Variants in TOMM70 observed in about 807,000 individuals in gnomAD.
The protein encoded by TOMM70 is mitochondrial import receptor subunit TOM70.
In TOMM70, 13 loss-of-function variants were observed where a neutral mutation model predicts 73.6. The observed-to-expected ratio is 0.18, with a 90% CI of 0.11 to 0.28. The LOEUF (loss-of-function observed/expected upper bound fraction) is 0.28. TOMM70 is among the 10% of genes least tolerant of loss of function. The pLI is 1.00. For synonymous variants in TOMM70, 257 were observed against 271.2 expected, an observed-to-expected ratio of 0.95 and a Z score of 0.51; for missense variants, 609 against 747.5, an observed-to-expected ratio of 0.81 and a Z score of 2.16.
intron 1 of TOMM70, among the ~76,000 whole-genome samples, chr3:100,391,613 A>G (rs773992565): frequency 5.3e-5 from 8 of 152,182 alleles, no homozygotes; most frequent in Non-Finnish European, 1.0e-4. Flanking sequence ...AGTGTTACTT[A>G]TTTTTTAAGA....
intron 1 of TOMM70, among the ~76,000 whole-genome samples, chr3:100,398,251 G>T (rs1706847153): frequency 6.6e-6 from 1 of 151,900 alleles, no homozygotes; most frequent in Non-Finnish European, 1.5e-5. Flanking sequence ...AGGCATGGTG[G>T]CGCATGCCTG....
At chr3:100,372,574 G>T (rs374566120) in intron 9 of TOMM70, 32 bp downstream of exon 9, 3 of 1,541,512 alleles carry the variant, frequency 1.9e-6, no homozygotes, top group Non-Finnish European at 2.7e-6. Flanking sequence ...TATGTATGCA[G>T]TTATTTTTAA....
At chr3:100,386,692 A>G in intron 2 of TOMM70, 113 bp downstream of exon 2, 1 of 1,296,142 alleles carries the variant, frequency 7.7e-7, no homozygotes, top group Admixed American at 2.6e-5. Flanking sequence ...AACATCCCAT[A>G]ATTTTGAAAC....
chr3:100,394,360 T>G (rs1248901847), intron 1 of TOMM70, among the ~76,000 whole-genome samples: 1 of 121,712 alleles, frequency 8.2e-6, no homozygotes, highest in Admixed American at 8.4e-5. Flanking sequence ...CAACTGTTAC[T>G]TTTTCTTTTT....
intron 1 of TOMM70, 43 bp downstream of exon 1, chr3:100,400,583 C>G: frequency 6.3e-7 from 1 of 1,586,548 alleles, no homozygotes; most frequent in Non-Finnish European, 8.6e-7. Flanking sequence ...GGAAAAGCTG[C>G]ACGAGCCAGT....
intron 5 of TOMM70, among the ~76,000 whole-genome samples, chr3:100,381,282 C>T (rs1450147252): frequency 1.3e-5 from 2 of 152,072 alleles, no homozygotes; most frequent in Non-Finnish European, 2.9e-5. Context: ...TTGAGCTACA[C>T]AATAATTTTC....
At chr3:100,394,504 T>A (rs1312606206) in intron 1 of TOMM70, among the ~76,000 whole-genome samples, 1 of 145,954 alleles carries the variant, frequency 6.9e-6, no homozygotes, top group Non-Finnish European at 1.6e-5. Flanking sequence ...GTTACTTACT[T>A]ACTTTCTTTC....
intron 3 of TOMM70, 34 bp downstream of exon 3, chr3:100,386,184 T>G (rs1706690001): frequency 6.3e-7 from 1 of 1,591,200 alleles, no homozygotes; most frequent in Admixed American, 1.8e-5. Flanking sequence ...AAATATTAAG[T>G]AATTTTCATA....
rs1450740908 is a variant in TOMM70 at position 100,369,081 on chromosome 3, T to C, written c.1507A>G (p.Ile503Val). 2 of 1,613,536 alleles carry C rather than the reference T, an allele frequency of 1.2e-6. No individual in the cohort carries two copies. Among genetic ancestry groups the C allele is most frequent in the Non-Finnish European group, 1.7e-6 (2 of 1,179,682 alleles). Residue 503 changes from isoleucine to valine, a missense_variant, in exon 10 of 12, where the codon ATT (isoleucine) becomes GTT (valine). Around this residue, in one of 2 missense-constraint regions of TOMM70, gnomAD observed 432 missense variants for 584.1 expected, o/e 0.74. Coordinates refer to ENST00000284320, the MANE Select transcript of TOMM70 (RefSeq NM_014820.5). The stretch of plus-strand genomic sequence containing the variant: ...GTAGCATTATCTGGTTCCAAATCAA[T>C]ACATTTATCATACATTTCATCAGCT... The part of the protein sequence containing the change: ...GKADEMYDKC[I>V]DLEPDNATTY...
At chr3:100,382,941 AGTT>A (rs1235957479) in intron 4 of TOMM70, among the ~76,000 whole-genome samples, 3 of 152,158 alleles carry the variant, frequency 2.0e-5, no homozygotes, top group African/African-American at 4.8e-5. Flanking sequence ...TATCTTATAC[AGTT>A]GTTATAAAAA....
intron 1 of TOMM70, among the ~76,000 whole-genome samples, chr3:100,395,394 C>T (rs1706811653): frequency 6.6e-6 from 1 of 150,922 alleles, no homozygotes; most frequent in South Asian, 2.1e-4. Context: ...AAACCCAAAA[C>T]AAACAAACAA....
In TOMM70 at chr3:100,377,983, A is replaced by G. The variant is rs1230402485; in HGVS notation, c.885-71T>C. On this transcript the variant is annotated intron_variant, in intron 5 of 11. Transcript: ENST00000284320. ...TAAATGTGGCTGGGTGTGGTGGCTCACGCCTGTAATCCCAGCACTTTGGGA... is the reference window on the plus strand; with the variant it reads ...TAAATGTGGCTGGGTGTGGTGGCTCGCGCCTGTAATCCCAGCACTTTGGGA... The G allele has an allele frequency of 3.6e-6, 5 of 1,383,904 alleles. No homozygotes were observed. In the African/African-American group the frequency reaches 5.7e-5, roughly 16 times the overall value. 85.7% of individuals were successfully genotyped at this position (1,383,904 alleles called of 1,614,324 possible).
At chr3:100,367,232 A>G (rs188662950) in intron 11 of TOMM70, among the ~76,000 whole-genome samples, 1 of 152,124 alleles carries the variant, frequency 6.6e-6, no homozygotes, top group African/African-American at 2.4e-5. Flanking sequence ...AGAAAAAAAA[A>G]CTTAATATTT....
intron 4 of TOMM70, 34 bp from the exon 5 acceptor site, chr3:100,381,797 G>C: frequency 1.3e-6 from 2 of 1,547,376 alleles, no homozygotes; most frequent in Non-Finnish European, 1.8e-6. Flanking sequence ...ACATCAGGAT[G>C]GGAAATACCA....
At chr3:100,393,159 A>G (rs1223545056) in intron 1 of TOMM70, among the ~76,000 whole-genome samples, 1 of 151,582 alleles carries the variant, frequency 6.6e-6, no homozygotes, top group African/African-American at 2.4e-5. Context: ...CTGGGCAACA[A>G]GAGTGAAACT....
intron 9 of TOMM70, among the ~76,000 whole-genome samples, chr3:100,370,243 TC>T (rs34563918): frequency 1.0e-3 from 152 of 152,338 alleles, no homozygotes; most frequent in African/African-American, 3.4e-3. Context: ...TCTATTTACT[TC>T]CCTATTTGTT....
At position 100,369,079 on chromosome 3, in the gene TOMM70, A is replaced by G. The variant is rs748318542; in HGVS notation, c.1509T>C (p.Ile503=). The change falls in exon 10 of 12, where the codon ATT becomes ATC. Residue 503 remains isoleucine, a synonymous_variant. Coordinates refer to ENST00000284320, the MANE Select transcript of TOMM70 (RefSeq NM_014820.5). ...GKADEMYDKC[I]DLEPDNATTY... ...TTGTAGCATTATCTGGTTCCAAATC[A>G]ATACATTTATCATACATTTCATCAG... is the stretch of plus-strand genomic sequence containing the variant. 6.2e-7 allele frequency: 1 copy of G among 1,613,502 alleles called. No individual in the cohort carries two copies. The highest frequency in any genetic ancestry group is 8.5e-7 in the Non-Finnish European group (1 of 1,179,680).
rs1024226896 is a variant in TOMM70, at chr3:100,368,102, C to T, written c.1615G>A (p.Glu539Lys). The T allele has an allele frequency of 1.2e-6, 2 of 1,613,936 alleles. No homozygotes were observed. Among genetic ancestry groups the T allele is most frequent in the Non-Finnish European group, 1.7e-6 (2 of 1,179,942 alleles). Reference sequence around the variant, plus strand: ...GCAAAATCACATTTATTGTCAATTTCAATAGCCTTGCTGATAAGTTCCAAA... The same window carrying T: ...GCAAAATCACATTTATTGTCAATTTTAATAGCCTTGCTGATAAGTTCCAAA... The part of the protein sequence containing the change: ...RGLELISKAI[E>K]IDNKCDFAYE... Residue 539 changes from glutamate to lysine, a missense_variant, in exon 11 of 12, where the codon GAA (glutamate) becomes AAA (lysine). Around this residue, in one of 2 missense-constraint regions of TOMM70, gnomAD observed 432 missense variants for 584.1 expected, o/e 0.74. Coordinates refer to ENST00000284320, the MANE Select transcript of TOMM70 (RefSeq NM_014820.5).
rs1706437671 is a variant in TOMM70, at chr3:100,365,387, C to G, written c.*177G>C. On this transcript the variant is annotated 3_prime_UTR_variant, in exon 12 of 12. Coordinates refer to ENST00000284320, the MANE Select transcript of TOMM70 (RefSeq NM_014820.5). ...GGAATAAAAGCTGCAAGACTGCAAACTTCCTTCAACAGCCACACCCACAAC... is the reference window on the plus strand; with the variant it reads ...GGAATAAAAGCTGCAAGACTGCAAAGTTCCTTCAACAGCCACACCCACAAC... 2.4e-6 allele frequency: 2 copies of G among 848,522 alleles called. No individual in the cohort carries two copies. The allele number at this position is 848,522 out of a possible 1,614,324, so 52.6% of individuals were successfully genotyped here.
Sources: gnomAD v4.1 joint callset for allele counts (sites outside exome capture counted in the v4.1 genomes callset) on GRCh38, gnomAD v4.1.1 for gene constraint, gnomAD v4.1.1 regional missense constraint, MANE v1.5 for transcripts, NCBI Gene and HGNC (gene_info 2026-07-23, HGNC 2026-07-21) for gene names.